The following TANGO6 variants were observed in gnomAD, a reference collection of about 807,000 sequenced individuals.
TANGO6 encodes transport and Golgi organization protein 6 homolog.
In TANGO6, 90 loss-of-function variants were observed where a neutral mutation model predicts 114.2. That is an observed-to-expected ratio of 0.79 (90% CI 0.66 to 0.94). The LOEUF (loss-of-function observed/expected upper bound fraction) is 0.94. TANGO6 is among the 40% of genes least tolerant of loss of function. TANGO6 has a pLI of 0.00. For missense variants in TANGO6, 1,274 were observed against 1,315.3 expected (o/e 0.97, Z 0.49); for synonymous variants, 477 against 509.8 (o/e 0.94, Z 0.87).
At chr16:68,897,211 G>A (rs1962717663) in intron 7 of TANGO6, among the ~76,000 whole-genome samples, 1 of 151,992 alleles carries the variant, frequency 6.6e-6, no homozygotes, top group Admixed American at 6.6e-5. Flanking sequence ...GCTGATAAGT[G>A]CTACTCTTAA....
rs548365201 is a variant in TANGO6 at position 69,046,650 on chromosome 16, T to C, written c.3108+6229T>C. Reference sequence around the variant, plus strand: ...AGGATTTTAAAGCAAATATTATAATTATCCTCAATGAAGTAGAGGAGAAAT... The same window carrying C: ...AGGATTTTAAAGCAAATATTATAATCATCCTCAATGAAGTAGAGGAGAAAT... On this transcript the variant is annotated intron_variant, in intron 17 of 17. Transcript: ENST00000261778. Among the ~76,000 whole-genome samples the C allele has an allele frequency of 2.0e-5, 3 of 152,086 alleles. No homozygotes were observed. In the South Asian group the frequency reaches 6.2e-4, roughly 32 times the overall value.
chr16:68,909,363 C>G lies in TANGO6; in HGVS notation c.1953C>G (p.Cys651Trp). Reference sequence around the variant, plus strand: ...TCCTGCAGCTGATGGCTGTTCTGTGCGAGAGAATGTCTGAGCAGATATTCA... The same window carrying G: ...TCCTGCAGCTGATGGCTGTTCTGTGGGAGAGAATGTCTGAGCAGATATTCA... ...LLVLQLMAVL[C>W]ERMSEQIFTN... Residue 651 changes from cysteine (C) to tryptophan (W), a missense_variant, in exon 11 of 18, where the codon TGC becomes TGG. Physicochemically the swap from Cys to Trp is radical, Grantham distance 215. Around this residue, in one of 5 missense-constraint regions of TANGO6, gnomAD observed 908 missense variants for 910.2 expected, o/e 1.00. Transcript: ENST00000261778. 1.9e-6 allele frequency: 3 copies of G among 1,584,654 alleles called. No individual in the cohort carries two copies. The highest frequency in any genetic ancestry group is 2.6e-6 in the Non-Finnish European group (3 of 1,163,060).
At chr16:68,853,888 G>T (rs1230705564) in intron 1 of TANGO6, among the ~76,000 whole-genome samples, 4 of 152,054 alleles carry the variant, frequency 2.6e-5, no homozygotes, top group Non-Finnish European at 5.9e-5. Context: ...TAATGATATT[G>T]AGCATCTTTT....
chr16:68,843,739 T>A, intron 1 of TANGO6, 28 bp downstream of exon 1: 1 of 1,610,538 alleles, frequency 6.2e-7, no homozygotes, highest in South Asian at 1.1e-5. Flanking sequence ...CGCGCCGGGC[T>A]GGACCCGGGA....
intron 4 of TANGO6, chr16:68,867,906 C>G (rs1962204824): frequency 6.6e-6 from 1 of 150,966 alleles, no homozygotes; most frequent in Non-Finnish European, 1.5e-5. Context: ...CTTTGGGAGG[C>G]TGAGGCAGAA....
At chr16:68,982,629 C>CATTTTTTT (rs1567553024) in intron 15 of TANGO6, among the ~76,000 whole-genome samples, 8 of 120,536 alleles carry the variant, frequency 6.6e-5, no homozygotes, top group African/African-American at 2.8e-4. Context: ...CATGCCCTGG[C>CATTTTTTT]CTTTTTTTTT....
intron 14 of TANGO6, chr16:68,972,941 G>C (rs1243831356): frequency 6.8e-6 from 2 of 292,746 alleles, no homozygotes; most frequent in Admixed American, 8.9e-5. Context: ...AGGATCACTT[G>C]GCCTACTGGA....
At chr16:68,881,920 G>T in intron 7 of TANGO6, among the ~76,000 whole-genome samples, 1 of 152,142 alleles carries the variant, frequency 6.6e-6, no homozygotes, top group East Asian at 1.9e-4. Flanking sequence ...GCCAAGGCAG[G>T]AGGATTACTT....
chr16:68,959,653 C>T (rs1963570922), intron 14 of TANGO6, among the ~76,000 whole-genome samples: 1 of 152,060 alleles, frequency 6.6e-6, no homozygotes, highest in Admixed American at 6.6e-5. Context: ...GAGTTTCCAC[C>T]TTGCCTCTGT....
rs568077321 is a variant in TANGO6 at position 68,984,485 on chromosome 16, A to G, written c.2842+10317A>G. ...TATAATAAGGGGAAGGGAAAAGTCT[A>G]TAGATTGAACTATACTTCCTACTTA... On this transcript the variant is annotated intron_variant, in intron 15 of 17. Transcript: ENST00000261778. Among the ~76,000 whole-genome samples, 13 of 152,008 alleles carry G rather than the reference A, an allele frequency of 8.6e-5. No homozygotes were observed. The South Asian group carries it at 1.0e-3, about 12-fold the overall frequency.
chr16:68,865,068 G>A (rs936341644), intron 3 of TANGO6, among the ~76,000 whole-genome samples: 2 of 152,154 alleles, frequency 1.3e-5, no homozygotes, highest in Admixed American at 1.3e-4. Context: ...ACGAGGTCAG[G>A]AGTTCAAGAC....
chr16:68,979,885 C>T (rs964559047), intron 15 of TANGO6, among the ~76,000 whole-genome samples: 11 of 149,678 alleles, frequency 7.3e-5, no homozygotes, highest in African/African-American at 2.5e-4. Flanking sequence ...CGCTCTGTCA[C>T]CCAGGCTGGA....
intron 5 of TANGO6, among the ~76,000 whole-genome samples, chr16:68,877,056 A>G (rs1962373912): frequency 1.3e-5 from 2 of 152,334 alleles, no homozygotes; most frequent in South Asian, 4.1e-4. Flanking sequence ...AATTGAAATT[A>G]TTGGTTCAAA....
chr16:68,912,896 C>G (rs1962942589), intron 11 of TANGO6, among the ~76,000 whole-genome samples: 1 of 140,188 alleles, frequency 7.1e-6, no homozygotes, highest in South Asian at 2.3e-4. Context: ...ATCAACATAG[C>G]AAGACCCCAT....
intron 4 of TANGO6, 73 bp from the exon 5 acceptor site, chr16:68,875,081 A>C: frequency 6.8e-7 from 1 of 1,475,400 alleles, no homozygotes; most frequent in Non-Finnish European, 9.1e-7. Context: ...TTAAATTTTA[A>C]GACAAATTTG....
At chr16:69,021,903 T>A (rs1040739251) in intron 15 of TANGO6, among the ~76,000 whole-genome samples, 5 of 150,412 alleles carry the variant, frequency 3.3e-5, no homozygotes, top group Non-Finnish European at 7.4e-5. Context: ...TTTTTTTTTT[T>A]AAGACAGAAT....
Position 69,045,300 on chromosome 16 carries a change from C to T in TANGO6, c.3108+4879C>T, listed in dbSNP as rs148505561. ...AAACCCCGTCTCTACTAAAATTAGC[C>T]GGGTGTGGTGGCGGGTGCCTGTAGT... On this transcript the variant is annotated intron_variant, in intron 17 of 17. Coordinates refer to ENST00000261778, the MANE Select transcript of TANGO6 (RefSeq NM_024562.2). Among the ~76,000 whole-genome samples the T allele has an allele frequency of 2.8e-4, 40 of 144,088 alleles. No homozygotes were observed. The East Asian group carries it at 6.5e-3, about 23-fold the overall frequency. The allele number at this position is 144,088 out of a possible 152,430, so 94.5% of individuals were successfully genotyped here.
chr16:68,929,953 A>T (rs1296467511), intron 13 of TANGO6, among the ~76,000 whole-genome samples: 2 of 152,198 alleles, frequency 1.3e-5, no homozygotes, highest in East Asian at 3.8e-4. Flanking sequence ...AATGTTATTC[A>T]CCATGGCTGT....
chr16:69,010,830 G>T (rs182909287), intron 15 of TANGO6, among the ~76,000 whole-genome samples: 40 of 152,280 alleles, frequency 2.6e-4, no homozygotes, highest in African/African-American at 9.6e-4. Context: ...TGTTTTCATT[G>T]AATTGGTTAG....
Sources: allele counts gnomAD v4.1 joint callset (sites outside exome capture counted in the v4.1 genomes callset), GRCh38; gene constraint gnomAD v4.1.1; regional missense constraint gnomAD v4.1.1; transcripts MANE v1.5; gene names NCBI Gene and HGNC (gene_info 2026-07-23, HGNC 2026-07-21).